The following SPINT2 variants were observed in gnomAD, a reference collection of about 807,000 sequenced individuals.
The protein encoded by SPINT2 is kunitz-type protease inhibitor 2.
Under a neutral mutation model 30.1 loss-of-function variants are expected in SPINT2, and 18 were observed. The ratio of observed to expected loss-of-function variants is 0.60; its 90% CI spans 0.41 to 0.89. SPINT2 has a LOEUF of 0.89. Ranked by LOEUF, SPINT2 falls within the 40% of genes least tolerant of loss-of-function variation. SPINT2 has a pLI of 0.00. For missense variants in SPINT2, 276 were observed against 334.3 expected (o/e 0.83, Z 1.36); for synonymous variants, 139 against 137.9 (o/e 1.01, Z -0.05).
intron 1 of SPINT2, among the ~76,000 whole-genome samples, chr19:38,277,594 A>G (rs1218866660): frequency 2.0e-5 from 3 of 152,200 alleles, no homozygotes; most frequent in Admixed American, 1.3e-4. Flanking sequence ...CAGCAGATCT[A>G]TCCAGCAGAC....
chr19:38,280,064 A>G (rs1968563296), intron 1 of SPINT2, among the ~76,000 whole-genome samples: 1 of 152,164 alleles, frequency 6.6e-6, no homozygotes, highest in African/African-American at 2.4e-5. Flanking sequence ...TTAAACTACT[A>G]AGTCAGTGAT....
Position 38,289,468 on chromosome 19 carries a change from G to A in SPINT2, c.391+277G>A, listed in dbSNP as rs1968684673. 5 of 126,604 alleles carry A rather than the reference G, an allele frequency of 3.9e-5. 1 individual carries two copies. In the South Asian group the frequency reaches 8.8e-4, roughly 22 times the overall value. 7.8% of individuals were successfully genotyped at this position (126,604 alleles called of 1,614,324 possible). A position where few individuals can be genotyped will look rare whatever the true frequency, so the allele number is the denominator to read the frequency against. On this transcript the variant is annotated intron_variant, in intron 4 of 6. Transcript: ENST00000301244. ...CCACTGCACTCCAGCCTGGGCAACA[G>A]AGTGAGACTCTGTCTCAAAAAAAAA...
intron 1 of SPINT2, among the ~76,000 whole-genome samples, chr19:38,279,265 G>A (rs979961903): frequency 4.0e-5 from 6 of 151,496 alleles, no homozygotes; most frequent in Admixed American, 1.3e-4. Context: ...TTGGGAACCC[G>A]AGGCAGGTGG....
intron 1 of SPINT2, among the ~76,000 whole-genome samples, chr19:38,270,008 G>C (rs1463554687): frequency 6.6e-6 from 1 of 152,148 alleles, no homozygotes; most frequent in Non-Finnish European, 1.5e-5. Context: ...TTACAGGCTC[G>C]AGCCACGTGG....
At chr19:38,278,705 G>A (rs1968546829) in intron 1 of SPINT2, among the ~76,000 whole-genome samples, 1 of 152,184 alleles carries the variant, frequency 6.6e-6, no homozygotes, top group South Asian at 2.1e-4. Flanking sequence ...AGGAGGCTGA[G>A]ATGGAAGGAT....
intron 1 of SPINT2, among the ~76,000 whole-genome samples, chr19:38,269,022 C>G (rs1968415680): frequency 6.6e-6 from 1 of 152,114 alleles, no homozygotes; most frequent in Non-Finnish European, 1.5e-5. Flanking sequence ...AACTTTGTGC[C>G]TGGCCCTGGG....
rs1437058376 is a variant in SPINT2 at position 38,289,146 on chromosome 19, A to G, written c.346A>G (p.Arg116Gly). ...AGATGTTTGTGTTTCAGCTCCCAGA[A>G]GGCAGGATTCTGAAGACCACTCCAG... ...ADSSVPSAPRRQDSEDHSSDM... is the reference protein window; with the variant it reads ...ADSSVPSAPRGQDSEDHSSDM... The change falls in exon 4 of 7, where the codon AGG becomes GGG. Residue 116 changes from arginine (R) to glycine (G), a missense_variant. Arg to Gly is a moderately radical substitution (Grantham distance 125). Coordinates refer to ENST00000301244, the MANE Select transcript of SPINT2 (RefSeq NM_021102.4). The G allele has an allele frequency of 1.5e-5, 25 of 1,614,008 alleles. No homozygotes were observed. In the East Asian group the frequency reaches 5.6e-4, roughly 36 times the overall value.
chr19:38,273,725 C>T, intron 1 of SPINT2, among the ~76,000 whole-genome samples: 1 of 152,172 alleles, frequency 6.6e-6, no homozygotes, highest in South Asian at 2.1e-4. Flanking sequence ...CCATTGTCTT[C>T]CTCCAGGTGA....
rs999124524 is a variant in SPINT2 at position 38,292,555 on chromosome 19, T to C, written c.*549T>C. On this transcript the variant is annotated 3_prime_UTR_variant, in exon 7 of 7. Coordinates refer to ENST00000301244, the MANE Select transcript of SPINT2 (RefSeq NM_021102.4). ...CATTCTAGAAATAGACCCCTCAAAA[T>C]AGCGTCTTTCAGATCTTTTTGAATG... The C allele has an allele frequency of 1.2e-4, 18 of 153,280 alleles. No homozygotes were observed. Among genetic ancestry groups the C allele is most frequent in the African/African-American group, 4.1e-4 (17 of 41,478 alleles). The allele number at this position is 153,280 out of a possible 1,614,324, so 9.5% of individuals were successfully genotyped here. A position where few individuals can be genotyped will look rare whatever the true frequency, so the allele number is the denominator to read the frequency against.
chr19:38,282,564 G>A (rs528362732), intron 1 of SPINT2, among the ~76,000 whole-genome samples: 8 of 152,334 alleles, frequency 5.3e-5, no homozygotes, highest in African/African-American at 1.4e-4. Context: ...TCAAGAGAGC[G>A]TACCGACCTT....
intron 1 of SPINT2, among the ~76,000 whole-genome samples, chr19:38,271,640 T>A (rs1355005566): frequency 6.6e-6 from 1 of 151,554 alleles, no homozygotes; most frequent in Admixed American, 6.6e-5. Context: ...AAGACCAGCC[T>A]GGCCAAGATG....
chr19:38,290,654 G>C lies in SPINT2; in HGVS notation c.592+79G>C. Reference sequence around the variant, plus strand: ...ACTGAGCTCAGCCCTGCCCAGCTGTGGTTTACATTATCCTTCACTGTGAAC... The same window carrying C: ...ACTGAGCTCAGCCCTGCCCAGCTGTCGTTTACATTATCCTTCACTGTGAAC... On this transcript the variant is annotated intron_variant, in intron 6 of 6. Transcript: ENST00000301244. This position sits in a 1 kb window ranked among gnomAD's most constrained non-coding sequence, Gnocchi z 4.3. 3 of 1,536,240 alleles carry C rather than the reference G, an allele frequency of 2.0e-6. No homozygotes were observed. The highest frequency in any genetic ancestry group is 1.7e-4 in the Middle Eastern group (1 of 5,952).
chr19:38,288,160 TC>T (rs1968665670), intron 3 of SPINT2, among the ~76,000 whole-genome samples: 2 of 152,126 alleles, frequency 1.3e-5, no homozygotes, highest in African/African-American at 2.4e-5. Flanking sequence ...CTGCAGCACT[TC>T]CTGGCTGGCC....
chr19:38,288,285 C>T (rs550623422), intron 3 of SPINT2: 3 of 407,504 alleles, frequency 7.4e-6, no homozygotes, highest in African/African-American at 4.1e-5. Flanking sequence ...ACCCACCCTC[C>T]TGTCTGCCTG....
At position 38,264,977 on chromosome 19, in the gene SPINT2, G is replaced by C. The variant is rs1600327854; in HGVS notation, c.85G>C (p.Asp29His). The change falls in exon 1 of 7, where the codon GAC becomes CAC. Residue 29 changes from aspartate (D) to histidine (H), a missense_variant. By Grantham distance (81) the Asp-to-His change is moderately conservative (BLOSUM62 -1). Transcript: ENST00000301244. The stretch of plus-strand genomic sequence containing the variant: ...GCTCCTCTCTGGGGTCCTGGCGGCC[G>C]ACCGAGAACGCAGCATCCACGGTGA... ...SLLLSGVLAA[D>H]RERSIHDFCL... 2.0e-6 allele frequency: 3 copies of C among 1,534,106 alleles called. No homozygotes were observed. Among genetic ancestry groups the C allele is most frequent in the Admixed American group, 3.9e-5 (2 of 50,754 alleles).
At position 38,285,619 on chromosome 19, in the gene SPINT2, G is replaced by A. The variant is rs533133416; in HGVS notation, c.277+1822G>A. 2.3e-3 allele frequency among the ~76,000 whole-genome samples: 355 copies of A among 152,286 alleles called. 2 individuals are homozygous for A. Among genetic ancestry groups the A allele is most frequent in the South Asian group, 0.012 (57 of 4,828 alleles). ...CTCCCAAAGTGCTAGGATTACAGGC[G>A]TGAGCCACTGTGCCCAGCTAAACAT... On this transcript the variant is annotated intron_variant, in intron 2 of 6. Transcript: ENST00000301244.
chr19:38,265,007 C>A lies in SPINT2; in HGVS notation c.106+9C>A. On this transcript the variant is annotated intron_variant, in intron 1 of 6. Coordinates refer to ENST00000301244, the MANE Select transcript of SPINT2 (RefSeq NM_021102.4). ...AGAACGCAGCATCCACGGTGAGGGCCGGGCGGGTAGGCTGGAGGCGGGGCG... is the reference window on the plus strand; with the variant it reads ...AGAACGCAGCATCCACGGTGAGGGCAGGGCGGGTAGGCTGGAGGCGGGGCG... The A allele has an allele frequency of 7.2e-7, 1 of 1,392,240 alleles. No homozygotes were observed. The highest frequency in any genetic ancestry group is 1.5e-5 in the South Asian group (1 of 66,466). The allele number at this position is 1,392,240 out of a possible 1,614,324, so 86.2% of individuals were successfully genotyped here.
chr19:38,264,681 C>G lies in SPINT2; in HGVS notation c.-212C>G. 1.7e-6 allele frequency: 1 copy of G among 578,248 alleles called. No homozygotes were observed. The highest frequency in any genetic ancestry group is 3.1e-6 in the Non-Finnish European group (1 of 326,446). The allele number at this position is 578,248 out of a possible 1,614,324, so 35.8% of individuals were successfully genotyped here. On this transcript the variant is annotated 5_prime_UTR_variant, in exon 1 of 7. Coordinates refer to ENST00000301244, the MANE Select transcript of SPINT2 (RefSeq NM_021102.4). ...CGAGGGCGCGAGTGAGGAGCAGACC[C>G]AGGCATCGCGCGCCGAGAAGGCCGG...
rs1398466158 is a variant in SPINT2 at position 38,290,836 on chromosome 19, C to T, written c.592+261C>T. 6.9e-6 allele frequency: 4 copies of T among 578,902 alleles called. No homozygotes were observed. Among genetic ancestry groups the T allele is most frequent in the Admixed American group, 5.3e-5 (2 of 37,700 alleles). The allele number at this position is 578,902 out of a possible 1,614,324, so 35.9% of individuals were successfully genotyped here. ...CTGGGGATGAGGTCTTCCTGTTGAG[C>T]ATTTGAGGACTGCTGCACACGGGCC... On this transcript the variant is annotated intron_variant, in intron 6 of 6. Transcript: ENST00000301244. The surrounding 1 kb of genome is among the most constrained non-coding windows in gnomAD (Gnocchi z 4.3).
Sources: allele counts gnomAD v4.1 joint callset (sites outside exome capture counted in the v4.1 genomes callset), GRCh38; gene constraint gnomAD v4.1.1; non-coding constraint Gnocchi (gnomAD v3.1); transcripts MANE v1.5; gene names NCBI Gene and HGNC (gene_info 2026-07-23, HGNC 2026-07-21).